Variants in SNX14 observed in about 807,000 individuals in gnomAD.
The protein encoded by SNX14 is sorting nexin 14.
Under a neutral mutation model 133.8 loss-of-function variants are expected in SNX14, and 93 were observed. The observed-to-expected ratio is 0.70, with a 90% CI of 0.59 to 0.83. The LOEUF is 0.83. Among genes scored for constraint, SNX14 ranks in the 40% least tolerant of loss-of-function variants. SNX14 has a pLI of 0.00. For missense variants in SNX14, 945 were observed against 1,094.9 expected (o/e 0.86, Z 1.93); for synonymous variants, 368 against 365.6 (o/e 1.01, Z -0.07).
chr6:85,532,830 G>A (rs962687296), intron 18 of SNX14, among the ~76,000 whole-genome samples: 6 of 151,880 alleles, frequency 4.0e-5, no homozygotes, highest in Non-Finnish European at 7.4e-5. Flanking sequence ...TGACATAACC[G>A]AAAGAAAAAA....
chr6:85,533,326 C>T (rs1432157769), intron 18 of SNX14, among the ~76,000 whole-genome samples: 2 of 152,154 alleles, frequency 1.3e-5, no homozygotes, highest in African/African-American at 4.8e-5. Context: ...GGCAACAAAA[C>T]CATTAAAAGA....
rs775395272 is a variant in SNX14 at position 85,538,823 on chromosome 6, A to G, written c.1475+15T>C. ...AACATTTAATACTGAAAAGAATCAC[A>G]TGCTCAAGACTTACCGAAAATCATC... On this transcript the variant is annotated intron_variant, in intron 16 of 28. Transcript: ENST00000314673. 2 of 1,588,556 alleles carry G rather than the reference A, an allele frequency of 1.3e-6. No homozygotes were observed. The highest frequency in any genetic ancestry group is 8.6e-7 in the Non-Finnish European group (1 of 1,169,422).
intron 15 of SNX14, among the ~76,000 whole-genome samples, chr6:85,539,620 T>G (rs1470507253): frequency 6.6e-6 from 1 of 152,132 alleles, no homozygotes; most frequent in African/African-American, 2.4e-5. Context: ...AAATTTCCAA[T>G]GAAAGAATGT....
At chr6:85,520,165 C>T (rs1424903548) in intron 21 of SNX14, among the ~76,000 whole-genome samples, 1 of 151,104 alleles carries the variant, frequency 6.6e-6, no homozygotes, top group Non-Finnish European at 1.5e-5. Flanking sequence ...GCCTAGGCCA[C>T]CCAAGTAGCT....
rs1208720969 is a variant in SNX14, at chr6:85,574,317, A to T, written c.202T>A (p.Ser68Thr). 5 of 1,594,290 alleles carry T rather than the reference A, an allele frequency of 3.1e-6. No individual in the cohort carries two copies. Among genetic ancestry groups the T allele is most frequent in the Non-Finnish European group, 4.3e-6 (5 of 1,164,182 alleles). The change falls in exon 2 of 29, where the codon TCA becomes ACA. Residue 68 changes from serine (S) to threonine (T), a missense_variant. Ser to Thr is a moderately conservative substitution (Grantham distance 58). Transcript: ENST00000314673. ...GGTAAGAGAGAATCAGGTCCTAGTGAGCAGTAGAATGTGACAACTCCAGCA... is the reference window on the plus strand; with the variant it reads ...GGTAAGAGAGAATCAGGTCCTAGTGTGCAGTAGAATGTGACAACTCCAGCA... ...FVAGVVTFYCSLGPDSLLPNI... is the reference protein window; with the variant it reads ...FVAGVVTFYCTLGPDSLLPNI...
intron 16 of SNX14, 69 bp downstream of exon 16, chr6:85,538,769 A>C: frequency 7.2e-7 from 1 of 1,385,336 alleles, no homozygotes. Flanking sequence ...TTTTATTTGT[A>C]TTAGGTTGTT....
At chr6:85,527,174 C>T (rs1778765851) in intron 20 of SNX14, among the ~76,000 whole-genome samples, 1 of 152,256 alleles carries the variant, frequency 6.6e-6, no homozygotes, top group Non-Finnish European at 1.5e-5. Flanking sequence ...CAGAAATCTA[C>T]ATTAAAAATT....
intron 19 of SNX14, among the ~76,000 whole-genome samples, chr6:85,529,589 G>A (rs1779611211): frequency 6.6e-6 from 1 of 152,166 alleles, no homozygotes; most frequent in Non-Finnish European, 1.5e-5. Context: ...AAAACCATTT[G>A]AACACAAGTA....
At chr6:85,509,994 T>G (rs765265628) in intron 26 of SNX14, among the ~76,000 whole-genome samples, 1 of 152,222 alleles carries the variant, frequency 6.6e-6, no homozygotes, top group Non-Finnish European at 1.5e-5. Flanking sequence ...TTTATAGCAC[T>G]GAATAATATC....
chr6:85,570,940 T>C (rs1184403445), intron 4 of SNX14, among the ~76,000 whole-genome samples: 1 of 152,220 alleles, frequency 6.6e-6, no homozygotes. Context: ...CTATATATTT[T>C]ATACACAGAA....
At chr6:85,528,950 G>A (rs1018642435) in intron 19 of SNX14, among the ~76,000 whole-genome samples, 3 of 151,916 alleles carry the variant, frequency 2.0e-5, no homozygotes, top group Admixed American at 2.0e-4. Flanking sequence ...TACTTAGGAG[G>A]CTGAGGCAGG....
chr6:85,517,376 A>G (rs1428732507), intron 23 of SNX14, among the ~76,000 whole-genome samples: 1 of 152,232 alleles, frequency 6.6e-6, no homozygotes, highest in Non-Finnish European at 1.5e-5. Context: ...ATGTTTGTTT[A>G]ATGAATGGAT....
chr6:85,526,131 T>C lies in SNX14; in HGVS notation c.2102A>G (p.Asn701Ser). Residue 701 changes from asparagine to serine, a missense_variant, in exon 21 of 29, where the codon AAT becomes AGT. By Grantham distance (46) the Asn-to-Ser change is conservative. Transcript: ENST00000314673. ...QFLDKILPDV[N>S]LGKIIKSVPG... ...GATTCTTTAAATTGACTTACCAAGA[T>C]TTACATCTGGTAGTATCTTATCAAG... The C allele has an allele frequency of 6.4e-7, 1 of 1,562,048 alleles. No individual in the cohort carries two copies. The highest frequency in any genetic ancestry group is 8.7e-7 in the Non-Finnish European group (1 of 1,148,524).
chr6:85,525,662 G>A (rs183961536), intron 21 of SNX14, among the ~76,000 whole-genome samples: 25 of 152,202 alleles, frequency 1.6e-4, no homozygotes, highest in Admixed American at 1.4e-3. Context: ...TATTTGTAAT[G>A]CTTTATAATA....
chr6:85,538,269 G>T (rs1337383961), intron 16 of SNX14, among the ~76,000 whole-genome samples: 2 of 151,610 alleles, frequency 1.3e-5, no homozygotes, highest in East Asian at 3.9e-4. Context: ...TACAATTAGG[G>T]TTTTTTTTAA....
intron 1 of SNX14, among the ~76,000 whole-genome samples, chr6:85,592,127 C>T (rs1287232813): frequency 1.3e-5 from 2 of 152,208 alleles, no homozygotes; most frequent in African/African-American, 4.8e-5. Flanking sequence ...AATTAGTGTT[C>T]CCTCTGTTAA....
chr6:85,517,314 A>C (rs1311981360), intron 23 of SNX14, among the ~76,000 whole-genome samples: 1 of 152,258 alleles, frequency 6.6e-6, no homozygotes, highest in Non-Finnish European at 1.5e-5. Flanking sequence ...AGGACAAGGA[A>C]TGTATCCTTA....
chr6:85,584,524 T>G (rs1800034056), intron 1 of SNX14, among the ~76,000 whole-genome samples: 1 of 151,882 alleles, frequency 6.6e-6, no homozygotes, highest in South Asian at 2.1e-4. Context: ...ATATCCAGAA[T>G]CTACAAGGAA....
chr6:85,553,290 T>C (rs1478320724), intron 7 of SNX14, among the ~76,000 whole-genome samples: 1 of 152,212 alleles, frequency 6.6e-6, no homozygotes, highest in Non-Finnish European at 1.5e-5. Flanking sequence ...ACATAGTTTT[T>C]ATAAAAAACG....
Sources: gnomAD v4.1 joint callset for allele counts (sites outside exome capture counted in the v4.1 genomes callset) on GRCh38, gnomAD v4.1.1 for gene constraint, MANE v1.5 for transcripts, NCBI Gene and HGNC (gene_info 2026-07-23, HGNC 2026-07-21) for gene names.